The following TP63 variants were observed in gnomAD, a reference collection of about 807,000 sequenced individuals.
TP63 encodes tumor protein 63.
Under a neutral mutation model 82.8 loss-of-function variants are expected in TP63, and 17 were observed. The ratio of observed to expected loss-of-function variants is 0.21; its 90% confidence interval spans 0.14 to 0.31. TP63 has a LOEUF of 0.31. Among genes scored for constraint, TP63 ranks in the 10% least tolerant of loss-of-function variants. The pLI is 1.00. For missense variants in TP63, 648 were observed against 895.3 expected (o/e 0.72, Z 3.52); for synonymous variants, 330 against 321.7 (o/e 1.03, Z -0.28).
intron 4 of TP63, among the ~76,000 whole-genome samples, chr3:189,809,265 A>G (rs1019297741): frequency 5.3e-5 from 8 of 152,206 alleles, no homozygotes; most frequent in African/African-American, 1.9e-4. Flanking sequence ...TTTTCTTTTC[A>G]TAAATTAGGA....
Position 189,894,803 on chromosome 3 carries a change from A to C in TP63, c.*301A>C. ...CAGAGATTTCTCATTGACTTTTATA[A>C]AGCATGTTCACCCTTATAGTCTAAG... On this transcript the variant is annotated 3_prime_UTR_variant, in exon 14 of 14. Transcript: ENST00000264731. 2 of 425,512 alleles carry C rather than the reference A, an allele frequency of 4.7e-6. No homozygotes were observed. The highest frequency in any genetic ancestry group is 6.2e-5 in the South Asian group (2 of 32,226). The allele number at this position is 425,512 out of a possible 1,614,324, so 26.4% of individuals were successfully genotyped here.
At position 189,710,949 on chromosome 3, in the gene TP63, T is replaced by A. The variant is rs1577283761; in HGVS notation, c.63-26791T>A. On this transcript the variant is annotated intron_variant, in intron 1 of 13. Transcript: ENST00000264731. ...TCCTAGAGTTTTAACAGCACACTCA[T>A]CAAACTGCCTCTCTCTTCTCCAAAA... 4.6e-5 allele frequency among the ~76,000 whole-genome samples: 7 copies of A among 152,304 alleles called. 1 individual carries two copies. Among genetic ancestry groups the A allele is most frequent in the African/African-American group, 1.7e-4 (7 of 41,572 alleles).
At chr3:189,666,695 T>G (rs1714418456) in intron 1 of TP63, among the ~76,000 whole-genome samples, 2 of 152,110 alleles carry the variant, frequency 1.3e-5, no homozygotes, top group African/African-American at 4.8e-5. Flanking sequence ...GTGTCAAAAA[T>G]CTGAAAGGTA....
chr3:189,838,353 G>T (rs1475456539), intron 4 of TP63, among the ~76,000 whole-genome samples: 2 of 152,110 alleles, frequency 1.3e-5, no homozygotes, highest in East Asian at 3.9e-4. Context: ...CATGTTAATA[G>T]ATAGATTCTA....
intron 1 of TP63, among the ~76,000 whole-genome samples, chr3:189,659,040 A>G (rs907640390): frequency 4.6e-5 from 7 of 152,040 alleles, no homozygotes; most frequent in African/African-American, 1.7e-4. Flanking sequence ...ATAAAAGTTT[A>G]TTAACTTATT....
intron 1 of TP63, among the ~76,000 whole-genome samples, chr3:189,673,223 C>G (rs1417593525): frequency 6.6e-6 from 1 of 152,048 alleles, no homozygotes; most frequent in Non-Finnish European, 1.5e-5. Flanking sequence ...AATAATAACT[C>G]TAGGAACTAG....
At chr3:189,692,082 A>G (rs1048834602) in intron 1 of TP63, among the ~76,000 whole-genome samples, 3 of 152,118 alleles carry the variant, frequency 2.0e-5, no homozygotes, top group African/African-American at 7.2e-5. Flanking sequence ...CATTATTTCT[A>G]GCACTCTCTA....
intron 4 of TP63, among the ~76,000 whole-genome samples, chr3:189,841,484 C>T (rs1714109322): frequency 6.6e-6 from 1 of 152,188 alleles, no homozygotes; most frequent in South Asian, 2.1e-4. Context: ...CCTAGTCTTC[C>T]GGTAAAAAGA....
chr3:189,729,236 A>G (rs1168677395), intron 1 of TP63, among the ~76,000 whole-genome samples: 2 of 152,216 alleles, frequency 1.3e-5, no homozygotes, highest in Admixed American at 6.5e-5. Context: ...GCCACAAAAC[A>G]TAAGACGTCA....
At chr3:189,828,599 A>G (rs1711807981) in intron 4 of TP63, among the ~76,000 whole-genome samples, 1 of 152,188 alleles carries the variant, frequency 6.6e-6, no homozygotes, top group African/African-American at 2.4e-5. Flanking sequence ...AGACAAAAGA[A>G]CATTTTATAT....
intron 1 of TP63, among the ~76,000 whole-genome samples, chr3:189,679,908 G>GA (rs1311540339): frequency 6.6e-6 from 1 of 151,950 alleles, no homozygotes; most frequent in Non-Finnish European, 1.5e-5. Context: ...GCACTTTGTG[G>GA]AAAAAACAAT....
intron 4 of TP63, among the ~76,000 whole-genome samples, chr3:189,821,531 T>C (rs9879356): frequency 0.35 from 52,938 of 152,062 alleles, 9,449 homozygotes; most frequent in East Asian, 0.52. Flanking sequence ...AGAATTAGAG[T>C]GTTGCCTGGG....
chr3:189,650,433 C>T (rs917249541), intron 1 of TP63, among the ~76,000 whole-genome samples: 1 of 146,746 alleles, frequency 6.8e-6, no homozygotes, highest in Non-Finnish European at 1.5e-5. Flanking sequence ...TTCCCATAAT[C>T]CCCATCTGTT....
intron 1 of TP63, among the ~76,000 whole-genome samples, chr3:189,686,433 C>T (rs1214675524): frequency 1.3e-5 from 2 of 152,036 alleles, no homozygotes; most frequent in African/African-American, 4.8e-5. Flanking sequence ...GATGTGGCAT[C>T]ACAGGATGTC....
chr3:189,738,631 CTA>C lies in TP63; in HGVS notation c.192-9_192-8del, dbSNP rs794727498. 1,855 of 1,613,744 alleles carry C rather than the reference CTA, an allele frequency of 1.1e-3. 20 individuals are homozygous for C. The African/African-American group carries it at 0.022, about 19-fold the overall frequency. ...CATGCCTAACTCACTTTTTTCTTTC[CTA>C]TGTGTTAGGCCTATATGTTCAGTTC... On this transcript the variant is annotated splice_polypyrimidine_tract_variant and intron_variant, in intron 2 of 13. Transcript: ENST00000264731.
At chr3:189,703,427 A>AATAGATAGAGAGATAG (rs1717961516) in intron 1 of TP63, among the ~76,000 whole-genome samples, 1 of 143,142 alleles carries the variant, frequency 7.0e-6, no homozygotes, top group African/African-American at 2.6e-5. Context: ...CCCTGTCTAA[A>AATAGATAGAGAGATAG]ATAGATAGAT....
Position 189,814,128 on chromosome 3 carries a change from C to T in TP63, c.579+5602C>T, listed in dbSNP as rs552184973. 5.7e-4 allele frequency among the ~76,000 whole-genome samples: 87 copies of T among 152,276 alleles called. 1 individual carries two copies. The highest frequency in any genetic ancestry group is 1.7e-3 in the African/African-American group (70 of 41,560). On this transcript the variant is annotated intron_variant, in intron 4 of 13. Coordinates refer to ENST00000264731, the MANE Select transcript of TP63 (RefSeq NM_003722.5). ...GCAGGCAGGCTGAGATGCGCGCCTG[C>T]GGCCCACCCTCCCTGTCATCAGGTT...
At chr3:189,806,422 T>C (rs1051196156) in intron 3 of TP63, among the ~76,000 whole-genome samples, 7 of 152,220 alleles carry the variant, frequency 4.6e-5, no homozygotes, top group African/African-American at 1.7e-4. Context: ...TACAGGACGT[T>C]CAAGAGTGCT....
intron 3 of TP63, among the ~76,000 whole-genome samples, chr3:189,761,750 T>A (rs1227598299): frequency 1.3e-5 from 2 of 152,200 alleles, no homozygotes; most frequent in Non-Finnish European, 2.9e-5. Context: ...GATATAGACA[T>A]ATCCGAGACT....
Sources: gnomAD v4.1 joint callset for allele counts (sites outside exome capture counted in the v4.1 genomes callset) on GRCh38, gnomAD v4.1.1 for gene constraint, MANE v1.5 for transcripts, NCBI Gene and HGNC (gene_info 2026-07-23, HGNC 2026-07-21) for gene names.